The following KIAA1549L variants were observed in gnomAD, a reference collection of about 807,000 sequenced individuals.
The protein encoded by KIAA1549L is KIAA1549 like, also known as UPF0606 protein KIAA1549L.
Under a neutral mutation model 160.7 loss-of-function variants are expected in KIAA1549L, and 88 were observed. The ratio of observed to expected loss-of-function variants is 0.55; its 90% confidence interval spans 0.46 to 0.65. KIAA1549L has a LOEUF of 0.65. Ranked by LOEUF, KIAA1549L falls within the 30% of genes least tolerant of loss-of-function variation. The pLI is 0.00. For synonymous variants in KIAA1549L, 950 were observed against 976.7 expected, an observed-to-expected ratio of 0.97 and a Z score of 0.51; for missense variants, 2,258 against 2,437.5, an observed-to-expected ratio of 0.93 and a Z score of 1.55.
chr11:33,442,481 A>G (rs1182212184), intron 1 of KIAA1549L, among the ~76,000 whole-genome samples: 2 of 152,016 alleles, frequency 1.3e-5, no homozygotes, highest in Non-Finnish European at 2.9e-5. Context: ...GCTGACAGTT[A>G]TTTTCTCTCA....
intron 1 of KIAA1549L, among the ~76,000 whole-genome samples, chr11:33,470,453 G>T (rs1185592968): frequency 6.6e-6 from 1 of 151,762 alleles, no homozygotes; most frequent in Non-Finnish European, 1.5e-5. Flanking sequence ...TTTGGTTTTG[G>T]CTTTTTTTTT....
intron 16 of KIAA1549L, among the ~76,000 whole-genome samples, chr11:33,625,674 G>A (rs575177357): frequency 6.3e-4 from 96 of 152,164 alleles, no homozygotes; most frequent in Non-Finnish European, 1.1e-3. Context: ...TGTCAGATGA[G>A]TAGGTTGTGA....
rs775768186 is a variant in KIAA1549L at position 33,544,351 on chromosome 11, G to A, written c.2773+15G>A. 3.7e-6 allele frequency: 6 copies of A among 1,612,228 alleles called. No homozygotes were observed. Among genetic ancestry groups the A allele is most frequent in the African/African-American group, 2.7e-5 (2 of 74,846 alleles). On this transcript the variant is annotated intron_variant, in intron 2 of 20. Transcript: ENST00000658780. ...GAAATGGACAGGTGCAGCCACTAAT[G>A]CAGGTAGTTTGTTTCCCGGTACCCC...
At chr11:33,528,627 CA>C (rs1853668190) in intron 1 of KIAA1549L, among the ~76,000 whole-genome samples, 1 of 152,182 alleles carries the variant, frequency 6.6e-6, no homozygotes, top group Admixed American at 6.5e-5. Context: ...TATAGATATA[CA>C]CCATGGAATA....
intron 1 of KIAA1549L, among the ~76,000 whole-genome samples, chr11:33,428,617 A>G (rs1851168406): frequency 6.6e-6 from 1 of 152,208 alleles, no homozygotes; most frequent in Non-Finnish European, 1.5e-5. Context: ...ATGTCCCTAC[A>G]AAGGACATTA....
intron 1 of KIAA1549L, among the ~76,000 whole-genome samples, chr11:33,399,200 G>A (rs1308142612): frequency 6.6e-6 from 1 of 152,072 alleles, no homozygotes; most frequent in South Asian, 2.1e-4. Context: ...TGATCCACCT[G>A]CTTTTGCTTC....
At chr11:33,382,915 G>A (rs1850100404) in intron 1 of KIAA1549L, among the ~76,000 whole-genome samples, 1 of 151,424 alleles carries the variant, frequency 6.6e-6, no homozygotes, top group Non-Finnish European at 1.5e-5. Context: ...GGGAGAAGGG[G>A]GACAAGCAAG....
intron 17 of KIAA1549L, among the ~76,000 whole-genome samples, chr11:33,653,429 G>C (rs1173255710): frequency 1.3e-5 from 2 of 152,090 alleles, no homozygotes; most frequent in South Asian, 2.1e-4. Context: ...ACTCCTCTCT[G>C]AGCACTTTGC....
At position 33,622,224 on chromosome 11, in the gene KIAA1549L, C is replaced by T. The variant is rs145073275; in HGVS notation, c.5409+3562C>T. Among the ~76,000 whole-genome samples the T allele has an allele frequency of 6.2e-4, 94 of 152,242 alleles. No homozygotes were observed. In the East Asian group the frequency reaches 0.017, roughly 28 times the overall value. On this transcript the variant is annotated intron_variant, in intron 16 of 20. Transcript: ENST00000658780. ...TAAATCTATAAAAAGGGGTATCAGGCGAGGTCCAGCTGCAGAAAACTGAAA... is the reference window on the plus strand; with the variant it reads ...TAAATCTATAAAAAGGGGTATCAGGTGAGGTCCAGCTGCAGAAAACTGAAA...
chr11:33,384,296 G>A (rs947947575), intron 1 of KIAA1549L, among the ~76,000 whole-genome samples: 9 of 152,200 alleles, frequency 5.9e-5, no homozygotes, highest in African/African-American at 1.9e-4. Flanking sequence ...CTGTGTCATT[G>A]CATCGATCAC....
At chr11:33,495,523 T>A (rs1852796939) in intron 1 of KIAA1549L, among the ~76,000 whole-genome samples, 1 of 152,138 alleles carries the variant, frequency 6.6e-6, no homozygotes, top group African/African-American at 2.4e-5. Context: ...ATCCAGTCTA[T>A]CATTGTTGGA....
chr11:33,656,175 C>T, intron 18 of KIAA1549L, 66 bp downstream of exon 18: 1 of 1,229,268 alleles, frequency 8.1e-7, no homozygotes, highest in Admixed American at 1.9e-5. Flanking sequence ...TGTACCCTGA[C>T]CTGACAACAG....
At chr11:33,433,853 C>T (rs1565134955) in intron 1 of KIAA1549L, among the ~76,000 whole-genome samples, 1 of 152,150 alleles carries the variant, frequency 6.6e-6, no homozygotes, top group Non-Finnish European at 1.5e-5. Context: ...AAACCAAACA[C>T]CACATGTTCT....
At chr11:33,494,974 G>A (rs1192017711) in intron 1 of KIAA1549L, among the ~76,000 whole-genome samples, 1 of 152,176 alleles carries the variant, frequency 6.6e-6, no homozygotes, top group African/African-American at 2.4e-5. Context: ...TGCTAAGACA[G>A]GAGAAGTATA....
At chr11:33,435,806 A>ATGTG (rs1648893053) in intron 1 of KIAA1549L, among the ~76,000 whole-genome samples, 3 of 19,670 alleles carry the variant, frequency 1.5e-4, no homozygotes, top group Admixed American at 6.9e-4. Context: ...ATATATATAT[A>ATGTG]TATATGTGTG....
rs1468618556 is a variant in KIAA1549L at position 33,669,633 on chromosome 11, T to C, written c.*1479T>C. On this transcript the variant is annotated 3_prime_UTR_variant, in exon 21 of 21. Transcript: ENST00000658780. ...CATCTTCCATTGTCCTCAACGAGTTTCTTTGGTCTTTACTGAAAGAAGATA... is the reference window on the plus strand; with the variant it reads ...CATCTTCCATTGTCCTCAACGAGTTCCTTTGGTCTTTACTGAAAGAAGATA... The C allele has an allele frequency of 6.6e-6, 1 of 152,238 alleles. No homozygotes were observed. Among genetic ancestry groups the C allele is most frequent in the African/African-American group, 2.4e-5 (1 of 41,452 alleles). 9.4% of individuals were successfully genotyped at this position (152,238 alleles called of 1,614,324 possible).
chr11:33,517,737 A>G (rs1008604432), intron 1 of KIAA1549L, among the ~76,000 whole-genome samples: 2 of 152,212 alleles, frequency 1.3e-5, no homozygotes, highest in Non-Finnish European at 2.9e-5. Context: ...ATGAGTCATG[A>G]ATGTGTATCA....
chr11:33,508,454 T>G (rs750686312), intron 1 of KIAA1549L, among the ~76,000 whole-genome samples: 3 of 152,236 alleles, frequency 2.0e-5, no homozygotes, highest in Non-Finnish European at 4.4e-5. Context: ...TGCTCTTCTT[T>G]GCTCTTTACA....
chr11:33,408,277 T>C (rs971312412), intron 1 of KIAA1549L, among the ~76,000 whole-genome samples: 4 of 152,010 alleles, frequency 2.6e-5, no homozygotes, highest in Non-Finnish European at 5.9e-5. Flanking sequence ...CAGTCGGGAA[T>C]AGAGAACTAA....
Sources: allele counts gnomAD v4.1 joint callset (sites outside exome capture counted in the v4.1 genomes callset), GRCh38; gene constraint gnomAD v4.1.1; transcripts MANE v1.5; gene names NCBI Gene and HGNC (gene_info 2026-07-23, HGNC 2026-07-21).